MLXIP: variants seen among roughly 807,000 people sequenced by gnomAD.
The protein encoded by MLXIP is MLX interacting protein.
Under a neutral mutation model 87.2 loss-of-function variants are expected in MLXIP, and 30 were observed. The observed-to-expected ratio is 0.34, with a 90% CI of 0.26 to 0.47. MLXIP has a LOEUF of 0.47. Among genes scored for constraint, MLXIP ranks in the 20% least tolerant of loss-of-function variants. The pLI, the probability that MLXIP is intolerant of heterozygous loss-of-function variation, is 1.00. For synonymous variants in MLXIP, 530 were observed against 514.0 expected, an observed-to-expected ratio of 1.03 and a Z score of -0.42; for missense variants, 1,002 against 1,240.1, an observed-to-expected ratio of 0.81 and a Z score of 2.88.
chr12:122,106,252 T>TTC (rs151272549), intron 1 of MLXIP, among the ~76,000 whole-genome samples: 77,028 of 151,942 alleles, frequency 0.51, 20,056 homozygotes, highest in Middle Eastern at 0.64. Context: ...TTTCTCTCCC[T>TTC]TCTTTCCCTG....
intron 1 of MLXIP, among the ~76,000 whole-genome samples, chr12:122,094,192 TGTGTGTTG>T (rs1277822529): frequency 0.48 from 65,476 of 135,960 alleles, 15,733 homozygotes; most frequent in Admixed American, 0.56. Flanking sequence ...GTGTGTGTTG[TGTGTGTTG>T]GTGTGTGGAG....
intron 1 of MLXIP, among the ~76,000 whole-genome samples, chr12:122,095,948 T>A (rs1952345169): frequency 6.6e-6 from 1 of 152,076 alleles, no homozygotes; most frequent in African/African-American, 2.4e-5. Context: ...CACTGCAACC[T>A]CCGCCTCCCT....
chr12:122,128,748 T>G, intron 3 of MLXIP: 1 of 180,466 alleles, frequency 5.5e-6, no homozygotes, highest in Non-Finnish European at 1.2e-5. Context: ...CTTCCTGGAA[T>G]TGGCTGTTCA....
chr12:122,090,098 G>T (rs1383907751), intron 1 of MLXIP, among the ~76,000 whole-genome samples: 1 of 152,144 alleles, frequency 6.6e-6, no homozygotes, highest in East Asian at 1.9e-4. Flanking sequence ...TTTTTTGAAA[G>T]ATATTACCTT....
intron 1 of MLXIP, among the ~76,000 whole-genome samples, chr12:122,094,248 G>GT (rs1952306578): frequency 2.6e-5 from 1 of 37,902 alleles, no homozygotes. Flanking sequence ...GTGTGGTATT[G>GT]GTGTGTGTGT....
intron 1 of MLXIP, among the ~76,000 whole-genome samples, chr12:122,123,481 G>A (rs1343868727): frequency 2.0e-5 from 3 of 152,320 alleles, no homozygotes; most frequent in South Asian, 2.1e-4. Context: ...TGTGTTTGAC[G>A]TAAACACCCA....
Position 122,135,377 on chromosome 12 carries a change from C to G in MLXIP, c.1854+32C>G. Reference sequence around the variant, plus strand: ...AGGGCCCTAGGCAGACCTGCAGTGTCCTTCTCACCCCGGAGCACTCTGATC... The same window carrying G: ...AGGGCCCTAGGCAGACCTGCAGTGTGCTTCTCACCCCGGAGCACTCTGATC... On this transcript the variant is annotated intron_variant, in intron 10 of 16. Transcript: ENST00000319080. This position sits in a 1 kb window ranked among gnomAD's most constrained non-coding sequence, Gnocchi z 5.3. 6.2e-7 allele frequency: 1 copy of G among 1,603,730 alleles called. No individual in the cohort carries two copies. Among genetic ancestry groups the G allele is most frequent in the Non-Finnish European group, 8.5e-7 (1 of 1,174,248 alleles).
At chr12:122,095,106 G>A (rs1404004484) in intron 1 of MLXIP, among the ~76,000 whole-genome samples, 2 of 147,580 alleles carry the variant, frequency 1.4e-5, no homozygotes, top group African/African-American at 5.0e-5. Context: ...GTTGGTATGT[G>A]TTGGTGTGTG....
intron 1 of MLXIP, among the ~76,000 whole-genome samples, chr12:122,102,365 A>C (rs1952450622): frequency 6.6e-6 from 1 of 152,204 alleles, no homozygotes; most frequent in East Asian, 1.9e-4. Flanking sequence ...TCGTTAGGGA[A>C]ATGCGCTCAA....
chr12:122,106,409 G>A (rs185369206), intron 1 of MLXIP, among the ~76,000 whole-genome samples: 1 of 152,054 alleles, frequency 6.6e-6, no homozygotes, highest in Admixed American at 6.6e-5. Context: ...GCATTAGCTC[G>A]TGAGGTCCTG....
chr12:122,111,859 A>G (rs1014277808), intron 1 of MLXIP, among the ~76,000 whole-genome samples: 1 of 152,206 alleles, frequency 6.6e-6, no homozygotes, highest in African/African-American at 2.4e-5. Flanking sequence ...AACATTCCTT[A>G]ATTTGGTATG....
At chr12:122,128,030 G>A in intron 3 of MLXIP, 62 bp downstream of exon 3, 2 of 1,413,836 alleles carry the variant, frequency 1.4e-6, no homozygotes, top group Non-Finnish European at 2.0e-6. Flanking sequence ...ACCGGGAGTG[G>A]CTCACCGCGG....
At position 122,133,902 on chromosome 12, in the gene MLXIP, C is replaced by T. The variant is rs771481262; in HGVS notation, c.1647C>T (p.Gly549=). Residue 549 remains glycine (G), a synonymous_variant, in exon 9 of 17, where the codon GGC becomes GGT. Coordinates refer to ENST00000319080, the MANE Select transcript of MLXIP (RefSeq NM_014938.6). The surrounding 1 kb of genome is among the most constrained non-coding windows in gnomAD (Gnocchi z 4.9). ...CCAAACCTGTATCCTTGACTGGGGG[C>T]AGGCCTAAGCAGCCCCACAAAATAG... ...VHPKPVSLTG[G]RPKQPHKIVP... 2 of 1,609,168 alleles carry T rather than the reference C, an allele frequency of 1.2e-6. No individual in the cohort carries two copies. The highest frequency in any genetic ancestry group is 8.5e-7 in the Non-Finnish European group (1 of 1,178,090).
At chr12:122,115,182 A>C (rs1187038352) in intron 1 of MLXIP, among the ~76,000 whole-genome samples, 1 of 152,176 alleles carries the variant, frequency 6.6e-6, no homozygotes, top group East Asian at 1.9e-4. Flanking sequence ...TATTATGGAT[A>C]GATATATATT....
intron 1 of MLXIP, among the ~76,000 whole-genome samples, chr12:122,125,213 T>C (rs1952861912): frequency 6.6e-6 from 1 of 151,720 alleles, no homozygotes; most frequent in South Asian, 2.1e-4. Context: ...GCACCTGTAG[T>C]CCCAGCTACT....
intron 7 of MLXIP, among the ~76,000 whole-genome samples, chr12:122,131,331 C>T (rs1952974074): frequency 6.6e-6 from 1 of 151,956 alleles, no homozygotes; most frequent in Non-Finnish European, 1.5e-5. Context: ...TGGTTCCAAC[C>T]AGAGCCCCCT....
chr12:122,080,023 C>T (rs1360175722), intron 1 of MLXIP, among the ~76,000 whole-genome samples: 1 of 152,188 alleles, frequency 6.6e-6, no homozygotes, highest in Non-Finnish European at 1.5e-5. Flanking sequence ...GGCAGACATC[C>T]CAGACACCGT....
rs776711992 is a variant in MLXIP at position 122,133,501 on chromosome 12, G to A, written c.1246G>A (p.Gly416Ser). 25 of 1,611,636 alleles carry A rather than the reference G, an allele frequency of 1.6e-5. No homozygotes were observed. Among genetic ancestry groups the A allele is most frequent in the African/African-American group, 2.7e-5 (2 of 74,718 alleles). The change falls in exon 9 of 17, where the codon GGT becomes AGT. Residue 416 changes from glycine to serine, a missense_variant. This residue lies in a region of MLXIP where 746 missense variants were observed against 897.0 expected (regional missense o/e 0.83). Transcript: ENST00000319080. This position sits in a 1 kb window ranked among gnomAD's most constrained non-coding sequence, Gnocchi z 4.9. ...CCCGTTTATCCAGCCCACGGACTTC[G>A]GTCCCTCAGAGCCGCCACTGAGTGT... ...EDPFIQPTDF[G>S]PSEPPLSVPQ...
chr12:122,131,670 C>T (rs1430182895), intron 7 of MLXIP, among the ~76,000 whole-genome samples: 1 of 151,804 alleles, frequency 6.6e-6, no homozygotes, highest in Non-Finnish European at 1.5e-5. Context: ...AGGTGATCCT[C>T]CTGCCTCTGC....
Sources: gnomAD v4.1 joint callset for allele counts (sites outside exome capture counted in the v4.1 genomes callset) on GRCh38, gnomAD v4.1.1 for gene constraint, gnomAD v4.1.1 regional missense constraint, Gnocchi (gnomAD v3.1) non-coding constraint, MANE v1.5 for transcripts, NCBI Gene and HGNC (gene_info 2026-07-23, HGNC 2026-07-21) for gene names.